The following PCDHGA3 variants were observed in gnomAD, a reference collection of about 807,000 sequenced individuals.
PCDHGA3 encodes protocadherin gamma subfamily A, 3.
A neutral mutation model predicts 58.5 loss-of-function variants in PCDHGA3; 40 were observed. The observed-to-expected ratio is 0.68, with a 90% CI of 0.53 to 0.89. The LOEUF (loss-of-function observed/expected upper bound fraction) is 0.89, where lower values mean the gene tolerates loss of function less well. PCDHGA3 is among the 40% of genes least tolerant of loss of function. The pLI, the probability that PCDHGA3 is intolerant of heterozygous loss-of-function variation, is 0.00. For missense variants in PCDHGA3, 1,223 were observed against 1,195.9 expected, an observed-to-expected ratio of 1.02 and a Z score of -0.33; for synonymous variants, 530 against 525.7, an observed-to-expected ratio of 1.01 and a Z score of -0.11.
intron 1 of PCDHGA3, among the ~76,000 whole-genome samples, chr5:141,470,624 A>G (rs1421700811): frequency 6.6e-6 from 1 of 152,220 alleles, no homozygotes; most frequent in Non-Finnish European, 1.5e-5. Flanking sequence ...TCATGCTTAG[A>G]TAGGCCCCCT....
intron 1 of PCDHGA3, chr5:141,365,399 T>C: frequency 1.2e-6 from 2 of 1,614,008 alleles, no homozygotes; most frequent in Non-Finnish European, 1.7e-6. Context: ...CAGTTCGATC[T>C]CTGAAGACTG....
chr5:141,374,191 C>G lies in PCDHGA3; in HGVS notation c.2424+27734C>G, dbSNP rs780279453. On this transcript the variant is annotated intron_variant, in intron 1 of 3. Coordinates refer to ENST00000253812, the MANE Select transcript of PCDHGA3 (RefSeq NM_018916.4). ...CAGCGCAGATCCGCTACTCTATTCC[C>G]GAGGAGCTGGAGAAAGGCTCCTTCG... The G allele has an allele frequency of 6.2e-6, 10 of 1,613,664 alleles. No homozygotes were observed. In the Admixed American group the frequency reaches 1.5e-4, roughly 24 times the overall value.
At chr5:141,394,260 G>A (rs779006100) in intron 1 of PCDHGA3, 2 of 1,613,802 alleles carry the variant, frequency 1.2e-6, no homozygotes, top group African/African-American at 2.7e-5. Flanking sequence ...CGACAGCCAG[G>A]AGAATGCCCA....
intron 1 of PCDHGA3, chr5:141,366,561 A>G (rs903477065): frequency 3.1e-6 from 5 of 1,614,210 alleles, no homozygotes; most frequent in Admixed American, 1.7e-5. Context: ...GTGGGCGTGG[A>G]TGGGGTTCGG....
intron 1 of PCDHGA3, chr5:141,362,564 T>C (rs754336087): frequency 6.2e-7 from 1 of 1,608,408 alleles, no homozygotes; most frequent in South Asian, 1.1e-5. Flanking sequence ...AAGGTGAGCT[T>C]TAATTAATTT....
chr5:141,369,740 G>T (rs1766464180), intron 1 of PCDHGA3, among the ~76,000 whole-genome samples: 1 of 152,190 alleles, frequency 6.6e-6, no homozygotes, highest in Non-Finnish European at 1.5e-5. Flanking sequence ...AAAGGAAATA[G>T]AATGCAATAA....
At chr5:141,423,701 G>A in intron 1 of PCDHGA3, 1 of 1,312,668 alleles carries the variant, frequency 7.6e-7, no homozygotes, top group Non-Finnish European at 9.9e-7. Flanking sequence ...TGGTGTCTTG[G>A]CACAAGTCTT....
intron 1 of PCDHGA3, chr5:141,398,208 G>C (rs898628305): frequency 1.3e-6 from 2 of 1,486,802 alleles, no homozygotes; most frequent in Non-Finnish European, 9.0e-7. Context: ...TGTTCTGCCC[G>C]GCGCTCTGTG....
intron 1 of PCDHGA3, chr5:141,350,559 C>T (rs1009044240): frequency 1.2e-6 from 2 of 1,614,004 alleles, no homozygotes; most frequent in Non-Finnish European, 1.7e-6. Flanking sequence ...CTTGAGTGTG[C>T]ACTAGAATTC....
chr5:141,352,578 C>T (rs777353381), intron 1 of PCDHGA3: 22 of 1,613,822 alleles, frequency 1.4e-5, no homozygotes, highest in Admixed American at 1.7e-5. Flanking sequence ...ATGGCTCCCC[C>T]TCAGGATCTG....
chr5:141,446,917 C>G (rs979679080), intron 1 of PCDHGA3, among the ~76,000 whole-genome samples: 1 of 152,108 alleles, frequency 6.6e-6, no homozygotes, highest in South Asian at 2.1e-4. Flanking sequence ...TTTTATTTAT[C>G]TTCCTGATCT....
At chr5:141,394,373 C>G in intron 1 of PCDHGA3, 2 of 1,614,206 alleles carry the variant, frequency 1.2e-6, no homozygotes, top group Non-Finnish European at 8.5e-7. Context: ...TGCAATCTTT[C>G]GACTATGAGC....
intron 1 of PCDHGA3, chr5:141,415,649 A>T: frequency 1.9e-6 from 3 of 1,597,710 alleles, no homozygotes; most frequent in Non-Finnish European, 2.6e-6. Context: ...GTTAAAAAAA[A>T]AAAGATTGGT....
chr5:141,455,529 G>A (rs2098825323), intron 1 of PCDHGA3, among the ~76,000 whole-genome samples: 1 of 152,146 alleles, frequency 6.6e-6, no homozygotes, highest in Non-Finnish European at 1.5e-5. Flanking sequence ...GGTTTGACCA[G>A]GCATATCATT....
chr5:141,457,054 T>C (rs1410535170), intron 1 of PCDHGA3, among the ~76,000 whole-genome samples: 1 of 152,242 alleles, frequency 6.6e-6, no homozygotes, highest in Non-Finnish European at 1.5e-5. Context: ...ACTTTCATGC[T>C]TCCTTTTTGC....
intron 1 of PCDHGA3, among the ~76,000 whole-genome samples, chr5:141,358,290 T>G (rs528714629): frequency 2.0e-5 from 3 of 152,376 alleles, no homozygotes; most frequent in Admixed American, 1.3e-4. Context: ...AAGGCAATTG[T>G]GTAAATTCAC....
chr5:141,403,215 G>A (rs2150961720), intron 1 of PCDHGA3: 1 of 1,613,996 alleles, frequency 6.2e-7, no homozygotes, highest in South Asian at 1.1e-5. Flanking sequence ...GTCACCGCGG[G>A]TAGGATAGAC....
chr5:141,433,305 C>A, intron 1 of PCDHGA3: 1 of 931,030 alleles, frequency 1.1e-6, no homozygotes, highest in Non-Finnish European at 1.6e-6. Context: ...GCAATTATCC[C>A]ACCTTTGCCT....
At chr5:141,478,821 A>G (rs72790063) in intron 1 of PCDHGA3, 38,524 of 1,444,166 alleles carry the variant, frequency 0.027, 650 homozygotes, top group East Asian at 0.045. Flanking sequence ...CAACTAACCA[A>G]TCTTGCTAAG....
Sources: gnomAD v4.1 joint callset for allele counts (sites outside exome capture counted in the v4.1 genomes callset) on GRCh38, gnomAD v4.1.1 for gene constraint, MANE v1.5 for transcripts, NCBI Gene and HGNC (gene_info 2026-07-23, HGNC 2026-07-21) for gene names.